Variants in KLRG1 observed in about 807,000 individuals in gnomAD.
KLRG1 encodes the protein killer cell lectin-like receptor subfamily G member 1.
A neutral mutation model predicts 21.8 loss-of-function variants in KLRG1; 16 were observed. The ratio of observed to expected loss-of-function variants is 0.73; its 90% CI spans 0.50 to 1.11. The LOEUF is 1.11. Ranked by LOEUF, KLRG1 falls within the 50% of genes most tolerant of loss-of-function variation. KLRG1 has a pLI of 0.00. For synonymous variants in KLRG1, 69 were observed against 75.9 expected, an observed-to-expected ratio of 0.91 and a Z score of 0.47; for missense variants, 173 against 218.3, an observed-to-expected ratio of 0.79 and a Z score of 1.31.
the KLRG1 span, chr12:9,168,714 C>A: frequency 4.8e-6 from 3 of 625,510 alleles, no homozygotes; most frequent in Non-Finnish European, 8.4e-6. Context: ...CTAGCTATCA[C>A]CAGCTAAGTC....
chr12:9,201,207 G>A, the KLRG1 span: 2 of 1,324,848 alleles, frequency 1.5e-6, no homozygotes, highest in Non-Finnish European at 2.1e-6. Flanking sequence ...TGACAACTGG[G>A]AGTAGGAGGA....
chr12:9,193,685 C>T, the KLRG1 span, among the ~76,000 whole-genome samples: 1 of 152,074 alleles, frequency 6.6e-6, no homozygotes, highest in African/African-American at 2.4e-5. Flanking sequence ...CTAGGGAAAT[C>T]TTTTGATCAT....
At chr12:9,149,484 A>C in the KLRG1 span, 5 of 1,397,870 alleles carry the variant, frequency 3.6e-6, no homozygotes, top group Non-Finnish European at 4.9e-6. Flanking sequence ...AAAGCCTTGT[A>C]GAGAATTTAA....
the KLRG1 span, among the ~76,000 whole-genome samples, chr12:9,088,267 A>G: frequency 3.0e-3 from 439 of 146,002 alleles, 2 homozygotes; most frequent in African/African-American, 0.01. Context: ...TTTTTTTTTT[A>G]AAGAAGAATA....
the KLRG1 span, chr12:9,077,220 A>G: frequency 2.1e-6 from 2 of 938,566 alleles, no homozygotes; most frequent in Non-Finnish European, 3.2e-6. Flanking sequence ...AGATCTGGGA[A>G]GCACTGGCAT....
chr12:9,040,445 G>A, the KLRG1 span, among the ~76,000 whole-genome samples: 1 of 152,176 alleles, frequency 6.6e-6, no homozygotes, highest in African/African-American at 2.4e-5. Context: ...GGATCTATAA[G>A]AAGGACACTT....
chr12:8,967,120 G>A (rs1262979557), intron 1 of KLRG1, among the ~76,000 whole-genome samples: 2 of 145,952 alleles, frequency 1.4e-5, no homozygotes, highest in Non-Finnish European at 3.0e-5. Context: ...TCACTCATAG[G>A]TGGGACTTGA....
chr12:9,152,320 C>G, the KLRG1 span: 2 of 1,602,036 alleles, frequency 1.2e-6, no homozygotes, highest in Admixed American at 1.7e-5. Flanking sequence ...ACTGTAGTGT[C>G]AAAGGAAAAA....
chr12:9,085,068 A>G, the KLRG1 span, among the ~76,000 whole-genome samples: 10 of 152,264 alleles, frequency 6.6e-5, no homozygotes, highest in South Asian at 1.2e-3. Context: ...ATATGTTGCA[A>G]TGCAGTAATA....
chr12:8,996,926 C>CAT (rs1458584517), intron 3 of KLRG1, among the ~76,000 whole-genome samples: 1 of 152,262 alleles, frequency 6.6e-6, no homozygotes, highest in Non-Finnish European at 1.5e-5. Flanking sequence ...AGTCGTGAGT[C>CAT]ATAGCACAAG....
At chr12:9,099,591 A>C in the KLRG1 span, 1 of 1,513,828 alleles carries the variant, frequency 6.6e-7, no homozygotes, top group Non-Finnish European at 8.9e-7. Flanking sequence ...TAGATGTAAC[A>C]GACATAATAA....
chr12:9,076,595 A>G, the KLRG1 span, among the ~76,000 whole-genome samples: 72 of 152,358 alleles, frequency 4.7e-4, 2 homozygotes, highest in South Asian at 0.015. Flanking sequence ...TTTGATTAAG[A>G]AATCCTAGAT....
At chr12:9,101,404 C>G in the KLRG1 span, 1 of 1,524,054 alleles carries the variant, frequency 6.6e-7, no homozygotes, top group East Asian at 2.3e-5. Flanking sequence ...CCACAGAGAG[C>G]TTTTGTCTAC....
the KLRG1 span, among the ~76,000 whole-genome samples, chr12:9,186,562 C>A: frequency 6.6e-6 from 1 of 152,082 alleles, no homozygotes; most frequent in Non-Finnish European, 1.5e-5. Flanking sequence ...GGAGAAAAAT[C>A]TGTCAAGCAA....
chr12:9,178,812 T>C, the KLRG1 span, among the ~76,000 whole-genome samples: 1 of 152,196 alleles, frequency 6.6e-6, no homozygotes, highest in South Asian at 2.1e-4. Flanking sequence ...GACACACCCC[T>C]GCAGATCAGG....
At chr12:9,138,148 A>G in the KLRG1 span, among the ~76,000 whole-genome samples, 1 of 152,038 alleles carries the variant, frequency 6.6e-6, no homozygotes. Flanking sequence ...GATATTATCT[A>G]TGGGCCTTTC....
At chr12:9,091,543 T>C in the KLRG1 span, 2 of 1,044,674 alleles carry the variant, frequency 1.9e-6, no homozygotes, top group South Asian at 1.6e-5. Flanking sequence ...TCAATAGAAA[T>C]ACCAATAATG....
chr12:9,127,118 A>C, the KLRG1 span, among the ~76,000 whole-genome samples: 1 of 152,226 alleles, frequency 6.6e-6, no homozygotes, highest in East Asian at 1.9e-4. Flanking sequence ...CTTCTCTGCT[A>C]TCTTTCCAAC....
the KLRG1 span, among the ~76,000 whole-genome samples, chr12:9,086,072 A>G: frequency 6.6e-6 from 1 of 152,368 alleles, no homozygotes; most frequent in Middle Eastern, 3.4e-3. Context: ...TCATTTAAAA[A>G]GAATGAATAC....
Sources: gnomAD v4.1 joint callset for allele counts (sites outside exome capture counted in the v4.1 genomes callset) on GRCh38, gnomAD v4.1.1 for gene constraint, MANE v1.5 for transcripts, NCBI Gene and HGNC (gene_info 2026-07-23, HGNC 2026-07-21) for gene names.